Variants in BAALC observed in about 807,000 individuals in gnomAD.
BAALC encodes the protein BAALC binder of MAP3K1 and KLF4.
In BAALC, 9 loss-of-function variants were observed where a neutral mutation model predicts 15.5. The ratio of observed to expected loss-of-function variants is 0.58; its 90% CI spans 0.35 to 1.02. The LOEUF is 1.02. BAALC is among the 50% of genes least tolerant of loss of function. The pLI is 0.02. For synonymous variants in BAALC, 80 were observed against 74.6 expected (o/e 1.07, Z -0.37); for missense variants, 201 against 192.4 (o/e 1.04, Z -0.27).
chr8:103,189,015 A>G (rs1811908367), intron 1 of BAALC, among the ~76,000 whole-genome samples: 1 of 152,220 alleles, frequency 6.6e-6, no homozygotes, highest in African/African-American at 2.4e-5. Context: ...TAACTGTTAA[A>G]TAAAAATTCA....
intron 1 of BAALC, among the ~76,000 whole-genome samples, chr8:103,195,653 T>C (rs1276805437): frequency 2.6e-5 from 4 of 152,124 alleles, no homozygotes; most frequent in African/African-American, 7.2e-5. Context: ...GATATTTCCA[T>C]AGGAATTAGA....
chr8:103,151,310 C>T (rs923367943), intron 1 of BAALC, among the ~76,000 whole-genome samples: 1 of 152,210 alleles, frequency 6.6e-6, no homozygotes, highest in African/African-American at 2.4e-5. Context: ...AGCCACCTCA[C>T]CCGGCCTAGG....
rs541556750 is a variant in BAALC, at chr8:103,186,194, C to T, written c.161-26725C>T. Among the ~76,000 whole-genome samples, 6 of 152,298 alleles carry T rather than the reference C, an allele frequency of 3.9e-5. No individual in the cohort carries two copies. The South Asian group carries it at 8.3e-4, about 21-fold the overall frequency. ...CCCCTTACTGGATGTCCAGGAGTTG[C>T]TTCCCTTTATGGGGGGCTCCCCAGC... On this transcript the variant is annotated intron_variant, in intron 1 of 2. Transcript: ENST00000309982.
intron 2 of BAALC, among the ~76,000 whole-genome samples, chr8:103,218,050 T>C (rs1488058446): frequency 1.3e-5 from 2 of 152,256 alleles, no homozygotes; most frequent in Non-Finnish European, 2.9e-5. Flanking sequence ...CTCTATTTAA[T>C]GCAGATGCCA....
At chr8:103,191,357 TAG>T (rs1407447633) in intron 1 of BAALC, 2 of 152,172 alleles carry the variant, frequency 1.3e-5, no homozygotes, top group Admixed American at 6.5e-5. Context: ...GTCAGTAGTG[TAG>T]AGTCTTGATA....
chr8:103,175,158 C>A lies in BAALC; in HGVS notation c.160+34101C>A, dbSNP rs1811580249. Among the ~76,000 whole-genome samples the A allele has an allele frequency of 2.0e-5, 3 of 152,180 alleles. No individual in the cohort carries two copies. In the South Asian group the frequency reaches 6.2e-4, roughly 32 times the overall value. On this transcript the variant is annotated intron_variant, in intron 1 of 2. Coordinates refer to ENST00000309982, the MANE Select transcript of BAALC (RefSeq NM_024812.3). ...TTTTTCTCAGGCCTCCTCATTTTGA[C>A]TCAGCTCTGTCTTTCTCAGGGCTAA...
chr8:103,175,501 C>A (rs1811588646), intron 1 of BAALC, among the ~76,000 whole-genome samples: 1 of 152,162 alleles, frequency 6.6e-6, no homozygotes, highest in South Asian at 2.1e-4. Flanking sequence ...ATGTGTAAAT[C>A]CATTAATTTG....
At chr8:103,169,738 A>G (rs1249641219) in intron 1 of BAALC, among the ~76,000 whole-genome samples, 1 of 152,102 alleles carries the variant, frequency 6.6e-6, no homozygotes, top group East Asian at 1.9e-4. Flanking sequence ...AATAGCCCCG[A>G]CCTCAATTGT....
intron 1 of BAALC, among the ~76,000 whole-genome samples, chr8:103,190,279 A>G (rs909295272): frequency 6.6e-6 from 1 of 152,166 alleles, no homozygotes; most frequent in Non-Finnish European, 1.5e-5. Flanking sequence ...CAGGGCTGTC[A>G]ACATCACTTC....
intron 1 of BAALC, among the ~76,000 whole-genome samples, chr8:103,185,932 C>A (rs1811825073): frequency 6.6e-6 from 1 of 152,178 alleles, no homozygotes; most frequent in Non-Finnish European, 1.5e-5. Flanking sequence ...GGAGCACAAG[C>A]CCAGTCTTCA....
At chr8:103,174,581 C>G (rs1271568713) in intron 1 of BAALC, among the ~76,000 whole-genome samples, 15 of 152,162 alleles carry the variant, frequency 9.9e-5, no homozygotes. Context: ...GGAAATAGAT[C>G]ATAGGCAAAG....
chr8:103,215,755 C>G (rs755737648), intron 2 of BAALC, among the ~76,000 whole-genome samples: 4 of 152,208 alleles, frequency 2.6e-5, no homozygotes, highest in Admixed American at 6.5e-5. Context: ...ACAAGCCCAA[C>G]TTTAAGCAGG....
At chr8:103,210,501 G>A (rs982557385) in intron 1 of BAALC, among the ~76,000 whole-genome samples, 6 of 152,172 alleles carry the variant, frequency 3.9e-5, no homozygotes, top group South Asian at 2.1e-4. Flanking sequence ...ACACCCTCCC[G>A]CCCTTGATAT....
intron 2 of BAALC, among the ~76,000 whole-genome samples, 179 bp from the exon 3 acceptor site, chr8:103,227,810 C>T (rs976593978): frequency 3.3e-5 from 5 of 152,138 alleles, no homozygotes; most frequent in Non-Finnish European, 7.4e-5. Flanking sequence ...GTGAAGTCCT[C>T]AAACCCTCTT....
chr8:103,205,789 C>T (rs1812314092), intron 1 of BAALC, among the ~76,000 whole-genome samples: 1 of 152,164 alleles, frequency 6.6e-6, no homozygotes, highest in South Asian at 2.1e-4. Flanking sequence ...GGAGTTTTTG[C>T]TAATACCACA....
intron 1 of BAALC, among the ~76,000 whole-genome samples, chr8:103,184,536 G>C (rs377038493): frequency 1.3e-5 from 2 of 152,274 alleles, no homozygotes; most frequent in East Asian, 3.9e-4. Context: ...GCTCTGAGAG[G>C]CTTAGTGACT....
At chr8:103,194,637 T>C (rs1812049310) in intron 1 of BAALC, among the ~76,000 whole-genome samples, 1 of 152,180 alleles carries the variant, frequency 6.6e-6, no homozygotes, top group Non-Finnish European at 1.5e-5. Context: ...TATCTGAGGG[T>C]GGGTCATTTA....
intron 1 of BAALC, among the ~76,000 whole-genome samples, chr8:103,149,951 T>A (rs1723253089): frequency 6.6e-6 from 1 of 152,118 alleles, no homozygotes. Flanking sequence ...AGTCTCTTTA[T>A]GGGTTGTATT....
chr8:103,158,085 T>A (rs1315095571), intron 1 of BAALC, among the ~76,000 whole-genome samples: 1 of 152,230 alleles, frequency 6.6e-6, no homozygotes, highest in Non-Finnish European at 1.5e-5. Context: ...ATCTGCATGT[T>A]GTATTTGGTT....
Sources: gnomAD v4.1 joint callset for allele counts (sites outside exome capture counted in the v4.1 genomes callset) on GRCh38, gnomAD v4.1.1 for gene constraint, MANE v1.5 for transcripts, NCBI Gene and HGNC (gene_info 2026-07-23, HGNC 2026-07-21) for gene names.